The following DLGAP2 variants were observed in gnomAD, a reference collection of about 807,000 sequenced individuals.
DLGAP2 encodes the protein DLG associated protein 2.
DLGAP2 carries 26 observed loss-of-function variants against 100.3 expected under a neutral mutation model. The ratio of observed to expected loss-of-function variants is 0.26; its 90% confidence interval spans 0.19 to 0.36. DLGAP2 has a LOEUF of 0.36. DLGAP2 is among the 10% of genes least tolerant of loss of function. The pLI, the probability that DLGAP2 is intolerant of heterozygous loss-of-function variation, is 1.00. For synonymous variants in DLGAP2, 886 were observed against 630.1 expected (o/e 1.41, Z -6.08); for missense variants, 1,858 against 1,453.2 (o/e 1.28, Z -4.53).
chr8:1,622,848 C>T (rs988509050), intron 6 of DLGAP2, among the ~76,000 whole-genome samples: 1 of 152,096 alleles, frequency 6.6e-6, no homozygotes, highest in Non-Finnish European at 1.5e-5. Context: ...TTCAAAATGC[C>T]CCGGGATGTA....
chr8:1,010,458 A>C (rs1394770834), intron 2 of DLGAP2, among the ~76,000 whole-genome samples: 1 of 152,170 alleles, frequency 6.6e-6, no homozygotes, highest in African/African-American at 2.4e-5. Flanking sequence ...ATTCTCACAT[A>C]TGTGTGCACA....
In DLGAP2 at chr8:1,451,425, C is replaced by G. The variant is rs557338086; in HGVS notation, c.107-49941C>G. On this transcript the variant is annotated intron_variant, in intron 3 of 14. Transcript: ENST00000637795. ...ACCTGAGGTTTGCTTGAAGCTTTATCACATCCATCAGCCCAGCACGCTCTG... is the reference window on the plus strand; with the variant it reads ...ACCTGAGGTTTGCTTGAAGCTTTATGACATCCATCAGCCCAGCACGCTCTG... 3.2e-4 allele frequency among the ~76,000 whole-genome samples: 49 copies of G among 152,268 alleles called. No homozygotes were observed. The South Asian group carries it at 3.7e-3, about 12-fold the overall frequency.
intron 3 of DLGAP2, among the ~76,000 whole-genome samples, chr8:1,495,381 C>T (rs1467079987): frequency 5.9e-5 from 9 of 152,338 alleles, no homozygotes; most frequent in East Asian, 3.9e-4. Flanking sequence ...CCGTGTTACC[C>T]GGCCACACAC....
intron 2 of DLGAP2, among the ~76,000 whole-genome samples, chr8:1,217,065 G>A (rs1467421350): frequency 1.3e-5 from 2 of 152,202 alleles, no homozygotes; most frequent in East Asian, 1.9e-4. Flanking sequence ...CCCAGGTAGT[G>A]AGCATAGTAC....
At chr8:1,088,417 G>C (rs1238755631) in intron 2 of DLGAP2, among the ~76,000 whole-genome samples, 2 of 152,108 alleles carry the variant, frequency 1.3e-5, no homozygotes, top group Non-Finnish European at 2.9e-5. Context: ...GCTGTTGGCT[G>C]ATTTCCATCT....
intron 3 of DLGAP2, among the ~76,000 whole-genome samples, chr8:1,388,476 G>T (rs1305508377): frequency 1.5e-5 from 1 of 64,988 alleles, no homozygotes. Flanking sequence ...AGGAAGCGCT[G>T]GTTCAAGTGT....
chr8:1,063,388 G>C (rs757793039), intron 2 of DLGAP2, among the ~76,000 whole-genome samples: 2 of 152,188 alleles, frequency 1.3e-5, no homozygotes, highest in Non-Finnish European at 1.5e-5. Flanking sequence ...TCTCGGGGTT[G>C]TACCGTCCAC....
intron 6 of DLGAP2, among the ~76,000 whole-genome samples, chr8:1,602,557 C>G (rs567739901): frequency 2.0e-5 from 3 of 152,254 alleles, no homozygotes; most frequent in Non-Finnish European, 2.9e-5. Flanking sequence ...GGCCTCAGGC[C>G]TGCCCACCTG....
At chr8:1,695,086 C>T (rs1000321370) in intron 13 of DLGAP2, among the ~76,000 whole-genome samples, 1 of 152,204 alleles carries the variant, frequency 6.6e-6, no homozygotes, top group Non-Finnish European at 1.5e-5. Context: ...GCAGCCTCTG[C>T]CACAGTGGCC....
chr8:1,318,234 C>G (rs953801707), intron 3 of DLGAP2, among the ~76,000 whole-genome samples: 4 of 152,158 alleles, frequency 2.6e-5, no homozygotes, highest in Non-Finnish European at 5.9e-5. Context: ...CTTGAAGGGT[C>G]CTGTTTCAAA....
At chr8:929,919 C>G (rs750856753) in intron 2 of DLGAP2, among the ~76,000 whole-genome samples, 1 of 151,828 alleles carries the variant, frequency 6.6e-6, no homozygotes, top group Non-Finnish European at 1.5e-5. Context: ...TTACTTTGGT[C>G]TCTGGCTTTG....
At chr8:1,325,484 T>A (rs1801000457) in intron 3 of DLGAP2, among the ~76,000 whole-genome samples, 1 of 152,218 alleles carries the variant, frequency 6.6e-6, no homozygotes, top group Non-Finnish European at 1.5e-5. Context: ...TTTCAAGATT[T>A]GGGGTGCTCG....
intron 1 of DLGAP2, among the ~76,000 whole-genome samples, chr8:817,378 G>T (rs1392945518): frequency 6.6e-6 from 1 of 152,118 alleles, no homozygotes. Flanking sequence ...ACTGTATTAT[G>T]TTTCTTCATT....
intron 6 of DLGAP2, chr8:1,604,694 G>A (rs967044193): frequency 6.6e-6 from 1 of 152,092 alleles, no homozygotes; most frequent in Admixed American, 6.6e-5. Flanking sequence ...GATCCAGATT[G>A]GGATTTGCAA....
At chr8:1,430,339 A>G (rs1001402170) in intron 3 of DLGAP2, among the ~76,000 whole-genome samples, 5 of 152,160 alleles carry the variant, frequency 3.3e-5, no homozygotes, top group Non-Finnish European at 7.4e-5. Context: ...ATTGCTTTAT[A>G]GAGGAACTTA....
intron 3 of DLGAP2, among the ~76,000 whole-genome samples, chr8:1,385,958 T>C (rs1796209920): frequency 6.6e-6 from 1 of 152,268 alleles, no homozygotes; most frequent in Non-Finnish European, 1.5e-5. Context: ...CCCACAGTCC[T>C]AATACTGGAA....
chr8:1,345,384 C>T (rs1050341907), intron 3 of DLGAP2, among the ~76,000 whole-genome samples: 2 of 152,248 alleles, frequency 1.3e-5, no homozygotes, highest in African/African-American at 4.8e-5. Flanking sequence ...AATAAGTACA[C>T]TGCATGTAGT....
intron 1 of DLGAP2, among the ~76,000 whole-genome samples, chr8:882,841 C>T (rs1043881348): frequency 6.6e-6 from 1 of 152,262 alleles, no homozygotes; most frequent in African/African-American, 2.4e-5. Context: ...CCTCTCCGTT[C>T]CCCTCCGCCC....
intron 1 of DLGAP2, among the ~76,000 whole-genome samples, chr8:803,956 A>G (rs1463694698): frequency 1.3e-5 from 2 of 152,188 alleles, no homozygotes; most frequent in African/African-American, 2.4e-5. Flanking sequence ...CGTGAAATAC[A>G]TTTAACTGTA....
Sources: allele counts gnomAD v4.1 joint callset (sites outside exome capture counted in the v4.1 genomes callset), GRCh38; gene constraint gnomAD v4.1.1; transcripts MANE v1.5; gene names NCBI Gene and HGNC (gene_info 2026-07-23, HGNC 2026-07-21).